POLK: variants seen among roughly 807,000 people sequenced by gnomAD.
The protein encoded by POLK is polymerase (DNA directed) kappa.
A neutral mutation model predicts 94.0 loss-of-function variants in POLK; 76 were observed. The observed-to-expected ratio is 0.81, with a 90% CI of 0.67 to 0.98. The LOEUF (loss-of-function observed/expected upper bound fraction) is 0.98. Among genes scored for constraint, POLK ranks in the 50% least tolerant of loss-of-function variants. The pLI, the probability that POLK is intolerant of heterozygous loss-of-function variation, is 0.00. For missense variants in POLK, 954 were observed against 1,010.1 expected, an observed-to-expected ratio of 0.94 and a Z score of 0.75; for synonymous variants, 349 against 325.4, an observed-to-expected ratio of 1.07 and a Z score of -0.78.
At chr5:75,552,867 G>T (rs570212222) in intron 3 of POLK, among the ~76,000 whole-genome samples, 2 of 152,222 alleles carry the variant, frequency 1.3e-5, no homozygotes, top group South Asian at 2.1e-4. Context: ...GATAGGACAG[G>T]TAGTTAGCAG....
At chr5:75,597,046 G>C (rs969331727) in exon 13 of POLK, 2 of 1,613,574 alleles carry the variant, frequency 1.2e-6, no homozygotes, top group African/African-American at 2.7e-5. Context: ...TTGTAACGTA[G>C]AACAAAAGAC....
At chr5:75,575,056 C>G (rs550616777) in intron 5 of POLK, among the ~76,000 whole-genome samples, 2 of 152,296 alleles carry the variant, frequency 1.3e-5, no homozygotes, top group African/African-American at 4.8e-5. Context: ...CAAATTTGAG[C>G]CGGATCTAGC....
At chr5:75,569,137 A>T (rs1015767450) in intron 3 of POLK, among the ~76,000 whole-genome samples, 1 of 152,182 alleles carries the variant, frequency 6.6e-6, no homozygotes, top group Non-Finnish European at 1.5e-5. Flanking sequence ...ATAATAAAAT[A>T]TAAACCCATA....
Position 75,572,180 on chromosome 5 carries a change from A to G in POLK, c.409-1558A>G, listed in dbSNP as rs142605795. Among the ~76,000 whole-genome samples the G allele has an allele frequency of 5.9e-5, 9 of 152,366 alleles. No individual in the cohort carries two copies. The East Asian group carries it at 1.3e-3, about 23-fold the overall frequency. ...TAGTACTGTGGTCTACCACGTTCAC[A>G]TAGACTTTCATCAGATATCATCACC... On this transcript the variant is annotated intron_variant, in intron 4 of 14. Coordinates refer to ENST00000241436, the Ensembl canonical transcript of POLK.
At chr5:75,564,841 A>G (rs988064450) in intron 3 of POLK, among the ~76,000 whole-genome samples, 2 of 152,062 alleles carry the variant, frequency 1.3e-5, no homozygotes, top group African/African-American at 4.8e-5. Flanking sequence ...ACCTTGGTGA[A>G]TCTGATGATT....
At position 75,537,982 on chromosome 5, in the gene POLK, G is replaced by A. The variant is rs370093534; in HGVS notation, c.-13-9028G>A. Reference sequence around the variant, plus strand: ...TGCCATTCTCCTGCCTCAGCCGCCCGAGTAGCTGGGACTACAGGCACCTGC... The same window carrying A: ...TGCCATTCTCCTGCCTCAGCCGCCCAAGTAGCTGGGACTACAGGCACCTGC... On this transcript the variant is annotated intron_variant, in intron 1 of 14. Transcript: ENST00000241436. 2.8e-4 allele frequency among the ~76,000 whole-genome samples: 43 copies of A among 151,890 alleles called. 1 individual carries two copies. The South Asian group carries it at 7.7e-3, about 27-fold the overall frequency.
intron 3 of POLK, among the ~76,000 whole-genome samples, chr5:75,553,731 T>C (rs1386617971): frequency 6.6e-6 from 1 of 152,234 alleles, no homozygotes; most frequent in Non-Finnish European, 1.5e-5. Context: ...ATTTTCAACA[T>C]GAAAGTATTG....
intron 3 of POLK, among the ~76,000 whole-genome samples, chr5:75,559,282 A>G (rs1486449911): frequency 6.6e-6 from 1 of 152,172 alleles, no homozygotes; most frequent in Non-Finnish European, 1.5e-5. Flanking sequence ...CAACTTTTAC[A>G]GGCATGAACC....
chr5:75,542,654 C>CAT lies in POLK; in HGVS notation c.-13-4346_-13-4345dup, dbSNP rs200946266. On this transcript the variant is annotated intron_variant, in intron 1 of 14. Coordinates refer to ENST00000241436, the Ensembl canonical transcript of POLK. ...ATATATACACATATACATATATACA[C>CAT]ATATATATATACACATATATACATA... Among the ~76,000 whole-genome samples the CAT allele has an allele frequency of 1.7e-3, 231 of 135,048 alleles. 1 individual carries two copies. Among genetic ancestry groups the CAT allele is most frequent in the Middle Eastern group, 0.015 (4 of 268 alleles). The allele number at this position is 135,048 out of a possible 152,430, so 88.6% of individuals were successfully genotyped here.
intron 10 of POLK, 51 bp from the exon 11 acceptor site, chr5:75,590,293 A>G: frequency 1.0e-6 from 1 of 981,180 alleles, no homozygotes; most frequent in Non-Finnish European, 1.5e-6. Context: ...TTTCCAAATT[A>G]TCCTGGATTA....
In POLK at chr5:75,552,527, T is replaced by C. The variant is rs563441621; in HGVS notation, c.191T>C (p.Ile64Thr). Residue 64 changes from isoleucine (I) to threonine (T), a missense_variant, in exon 3 of 15, where the codon ATT becomes ACT. Transcript: ENST00000241436. Reference sequence around the variant, plus strand: ...AAAGAAAAGCAAGTCAACCAACGAATTGAAAATATGATGCAACAAAAAGCT... The same window carrying C: ...AAAGAAAAGCAAGTCAACCAACGAACTGAAAATATGATGCAACAAAAAGCT... The C allele has an allele frequency of 5.1e-5, 82 of 1,612,764 alleles. No homozygotes were observed. The South Asian group carries it at 8.7e-4, about 17-fold the overall frequency.
chr5:75,543,785 T>A (rs1769871646), intron 1 of POLK, among the ~76,000 whole-genome samples: 1 of 152,308 alleles, frequency 6.6e-6, no homozygotes, highest in Middle Eastern at 3.4e-3. Flanking sequence ...ATAGCCCAAT[T>A]CTTTTGATTC....
intron 2 of POLK, among the ~76,000 whole-genome samples, chr5:75,550,288 T>A (rs1309350304): frequency 6.6e-6 from 1 of 152,052 alleles, no homozygotes; most frequent in African/African-American, 2.4e-5. Context: ...GCAAGGTTGG[T>A]TTAAGATCTA....
intron 9 of POLK, among the ~76,000 whole-genome samples, chr5:75,586,593 A>G (rs961325001): frequency 6.6e-6 from 1 of 152,334 alleles, no homozygotes; most frequent in Non-Finnish European, 1.5e-5. Context: ...ATAGAGTGGT[A>G]TAAATGAATA....
rs151039726 is a variant in POLK, at chr5:75,537,810, A to G, written c.-13-9200A>G. 3.3e-5 allele frequency among the ~76,000 whole-genome samples: 5 copies of G among 152,212 alleles called. No homozygotes were observed. In the East Asian group the frequency reaches 7.7e-4, roughly 23 times the overall value. ...TTATTTTAGTAGTGTTAGAAAATGT[A>G]TATTTTATTTGCAGTTCAAATTTTG... On this transcript the variant is annotated intron_variant, in intron 1 of 14. Transcript: ENST00000241436.
intron 5 of POLK, among the ~76,000 whole-genome samples, chr5:75,574,925 A>G (rs571118863): frequency 6.6e-6 from 1 of 152,382 alleles, no homozygotes; most frequent in Admixed American, 6.5e-5. Flanking sequence ...AAAGTTTAGT[A>G]AGAAAAGGTA....
chr5:75,532,995 T>G (rs1769255310), intron 1 of POLK, among the ~76,000 whole-genome samples: 1 of 152,184 alleles, frequency 6.6e-6, no homozygotes, highest in Non-Finnish European at 1.5e-5. Context: ...AGACCTTTCT[T>G]GGATCCGTAG....
chr5:75,523,999 G>A (rs1768711951), intron 1 of POLK, among the ~76,000 whole-genome samples: 1 of 151,920 alleles, frequency 6.6e-6, no homozygotes, highest in Non-Finnish European at 1.5e-5. Flanking sequence ...ATGTGCTGGC[G>A]GGCACCTGTA....
intron 1 of POLK, among the ~76,000 whole-genome samples, chr5:75,542,570 T>C (rs958010007): frequency 6.6e-6 from 1 of 151,598 alleles, no homozygotes; most frequent in Non-Finnish European, 1.5e-5. Context: ...GTTTGCCTTA[T>C]ATGTGTGGGT....
Sources: allele counts gnomAD v4.1 joint callset (sites outside exome capture counted in the v4.1 genomes callset), GRCh38; gene constraint gnomAD v4.1.1; transcripts MANE v1.5; gene names NCBI Gene and HGNC (gene_info 2026-07-23, HGNC 2026-07-21).